The following CCAR2 variants were observed in gnomAD, a reference collection of about 807,000 sequenced individuals.
CCAR2 encodes cell cycle and apoptosis regulator protein 2.
Under a neutral mutation model 108.1 loss-of-function variants are expected in CCAR2, and 21 were observed. The ratio of observed to expected loss-of-function variants is 0.19; its 90% CI spans 0.14 to 0.28. The LOEUF (loss-of-function observed/expected upper bound fraction) is 0.28, where lower values mean the gene tolerates loss of function less well. Among genes scored for constraint, CCAR2 ranks in the 10% least tolerant of loss-of-function variants. The pLI is 1.00. For missense variants in CCAR2, 1,126 were observed against 1,177.0 expected, an observed-to-expected ratio of 0.96 and a Z score of 0.63; for synonymous variants, 577 against 472.8, an observed-to-expected ratio of 1.22 and a Z score of -2.86.
Position 22,615,519 on chromosome 8 carries a change from C to A in CCAR2, c.1300C>A (p.Pro434Thr). ...CCTGCCGGATGTCTGGACCATCATG[C>A]CTACTTTGGAGGAGTGGGAGGCCCT... The part of the protein sequence containing the change: ...VYLPDVWTIM[P>T]TLEEWEALCQ... The change falls in exon 12 of 21, where the codon CCT becomes ACT. Residue 434 changes from proline to threonine, a missense_variant. Physicochemically the swap from Pro to Thr is conservative, Grantham distance 38 (BLOSUM62 -1). Around this residue, in one of 4 missense-constraint regions of CCAR2, gnomAD observed 1,013 missense variants for 993.9 expected, o/e 1.02. Transcript: ENST00000308511. 2 of 1,613,994 alleles carry A rather than the reference C, an allele frequency of 1.2e-6. No homozygotes were observed. Among genetic ancestry groups the A allele is most frequent in the Non-Finnish European group, 1.7e-6 (2 of 1,180,026 alleles).
At position 22,613,052 on chromosome 8, in the gene CCAR2, C is replaced by A; in HGVS notation, c.620C>A (p.Ala207Asp). Residue 207 changes from alanine (A) to aspartate (D), a missense_variant, in exon 8 of 21, where the codon GCT (alanine) becomes GAT (aspartate). This residue lies in a region of CCAR2 where 1,013 missense variants were observed against 993.9 expected (regional missense o/e 1.02). Transcript: ENST00000308511. ...DYDSKKRKQR[A>D]GGEPWGAKKP... ...GACTCCAAGAAACGCAAACAGCGGG[C>A]TGGTGGAGAGCCCTGGGGTGCTAAG... The A allele has an allele frequency of 6.2e-7, 1 of 1,613,174 alleles. No individual in the cohort carries two copies.
Position 22,619,512 on chromosome 8 carries a change from G to T in CCAR2, c.2728-126G>T. 4 of 1,412,338 alleles carry T rather than the reference G, an allele frequency of 2.8e-6. 1 individual carries two copies. The highest frequency in any genetic ancestry group is 2.5e-5 in the South Asian group (2 of 79,026). The allele number at this position is 1,412,338 out of a possible 1,614,324, so 87.5% of individuals were successfully genotyped here. On this transcript the variant is annotated intron_variant, in intron 20 of 20. Coordinates refer to ENST00000308511, the MANE Select transcript of CCAR2 (RefSeq NM_001393997.1). ...CCAGGCAGTGTGCCCCTGGTTGCAG[G>T]TTCTCTGGGAATTGAGCAGTCAGCA... is the stretch of plus-strand genomic sequence containing the variant.
intron 10 of CCAR2, 65 bp downstream of exon 10, chr8:22,614,568 G>A (rs1801421868): frequency 2.1e-6 from 3 of 1,431,528 alleles, no homozygotes; most frequent in East Asian, 4.5e-5. Flanking sequence ...CATGTTTTGA[G>A]TGTTCGGCTC....
Position 22,618,823 on chromosome 8 carries a change from C to G in CCAR2, c.2333-4C>G, listed in dbSNP as rs200695963. 1 of 1,613,412 alleles carries G rather than the reference C, an allele frequency of 6.2e-7. No individual in the cohort carries two copies. Among genetic ancestry groups the G allele is most frequent in the Non-Finnish European group, 8.5e-7 (1 of 1,179,792 alleles). On this transcript the variant is annotated splice_polypyrimidine_tract_variant and splice_region_variant and intron_variant, in intron 18 of 20. Transcript: ENST00000308511. ...CCTGAATTCTTTTTCACGGTTCTCTCTAGGAAACCTGGACCTGCTGCCCCC... is the reference window on the plus strand; with the variant it reads ...CCTGAATTCTTTTTCACGGTTCTCTGTAGGAAACCTGGACCTGCTGCCCCC...
At position 22,615,409 on chromosome 8, in the gene CCAR2, C is replaced by G; in HGVS notation, c.1206-16C>G. The stretch of plus-strand genomic sequence containing the variant: ...TTGTCACTAAAGAAGTTAGTACCTC[C>G]TTTTGCCATGTGCAGGTGGCGCTTT... On this transcript the variant is annotated splice_polypyrimidine_tract_variant and intron_variant, in intron 11 of 20. Transcript: ENST00000308511. The G allele has an allele frequency of 6.2e-7, 1 of 1,610,652 alleles. No individual in the cohort carries two copies. Among genetic ancestry groups the G allele is most frequent in the African/African-American group, 1.3e-5 (1 of 74,976 alleles).
intron 2 of CCAR2, 41 bp downstream of exon 2, chr8:22,605,872 A>G (rs200104791): frequency 1.3e-6 from 2 of 1,594,110 alleles, no homozygotes; most frequent in South Asian, 2.2e-5. Flanking sequence ...CCTGGGAAGT[A>G]TGTGCTCTGG....
chr8:22,607,536 C>T (rs1390031970), intron 6 of CCAR2, among the ~76,000 whole-genome samples: 5 of 146,152 alleles, frequency 3.4e-5, no homozygotes, highest in East Asian at 2.0e-4. Flanking sequence ...GACACGATCT[C>T]GGCTCATTGC....
chr8:22,615,651 C>A (rs201838820), intron 12 of CCAR2, 31 bp from the exon 13 acceptor site: 2 of 1,613,682 alleles, frequency 1.2e-6, no homozygotes, highest in South Asian at 2.2e-5. Context: ...ATCCCGGGAC[C>A]CAGAGGGTCT....
Position 22,618,912 on chromosome 8 carries a change from T to C in CCAR2, c.2418T>C (p.Asn806=), listed in dbSNP as rs754153141. The change falls in exon 19 of 21, where the codon AAT becomes AAC. Residue 806 remains asparagine (N), a synonymous_variant. Transcript: ENST00000308511. The stretch of plus-strand genomic sequence containing the variant: ...AACACAAAGCCTTGGTGTCCCACAA[T>C]GGCAGCCTGATTAACGTGGGGAGCC... ...PTEHKALVSH[N]GSLINVGSLL... 20 of 1,613,706 alleles carry C rather than the reference T, an allele frequency of 1.2e-5. No individual in the cohort carries two copies. The African/African-American group carries it at 2.4e-4, about 19-fold the overall frequency.
intron 1 of CCAR2, 56 bp downstream of exon 1, chr8:22,604,898 C>T (rs1308584019): frequency 2.4e-6 from 1 of 419,514 alleles, no homozygotes; most frequent in African/African-American, 2.1e-5. Flanking sequence ...CGCCCCTCCG[C>T]TGGCCGAGGG....
rs746694966 is a variant in CCAR2, at chr8:22,606,592, C to T, written c.151-15C>T. 4 of 1,606,006 alleles carry T rather than the reference C, an allele frequency of 2.5e-6. No individual in the cohort carries two copies. Among genetic ancestry groups the T allele is most frequent in the African/African-American group, 1.3e-5 (1 of 74,748 alleles). ...TTCCTCCCTTTTACTTTTCAGCTGTCTCCTTCTCTTACAGGGTGGGGAGAA... is the reference window on the plus strand; with the variant it reads ...TTCCTCCCTTTTACTTTTCAGCTGTTTCCTTCTCTTACAGGGTGGGGAGAA... On this transcript the variant is annotated splice_polypyrimidine_tract_variant and intron_variant, in intron 3 of 20. Transcript: ENST00000308511.
chr8:22,617,672 C>T (rs1324623553), intron 15 of CCAR2, 24 bp from the exon 16 acceptor site: 2 of 1,614,156 alleles, frequency 1.2e-6, no homozygotes, highest in Non-Finnish European at 1.7e-6. Flanking sequence ...GCCCTGCTCT[C>T]CATTTATCTT....
intron 20 of CCAR2, 110 bp from the exon 21 acceptor site, chr8:22,619,528 G>T: frequency 7.0e-7 from 1 of 1,419,740 alleles, no homozygotes; most frequent in Non-Finnish European, 9.7e-7. Context: ...TGGGAATTGA[G>T]CAGTCAGCAG....
chr8:22,613,424 C>G (rs1027575099), intron 8 of CCAR2, among the ~76,000 whole-genome samples: 1 of 150,476 alleles, frequency 6.6e-6, no homozygotes, highest in African/African-American at 2.5e-5. Context: ...TTTATTTACC[C>G]AGTTCTCCAT....
In CCAR2 at chr8:22,618,600, A is replaced by C; in HGVS notation, c.2221-17A>C. On this transcript the variant is annotated splice_polypyrimidine_tract_variant and intron_variant, in intron 17 of 20. Transcript: ENST00000308511. ...TCGGGGACGGGGCCTTCTGATCAGC[A>C]GATGTGTTTTCTGCAGGCCAAGCAG... 1.2e-6 allele frequency: 2 copies of C among 1,614,036 alleles called. No individual in the cohort carries two copies. The highest frequency in any genetic ancestry group is 4.5e-5 in the East Asian group (2 of 44,874).
rs754471136 is a variant in CCAR2, at chr8:22,616,089, C to T, written c.1686C>T (p.Ser562=). 2 of 1,613,988 alleles carry T rather than the reference C, an allele frequency of 1.2e-6. No individual in the cohort carries two copies. The highest frequency in any genetic ancestry group is 1.3e-5 in the African/African-American group (1 of 75,016). Residue 562 remains serine (S), a synonymous_variant, in exon 14 of 21, where the codon AGC becomes AGT. Transcript: ENST00000308511. The part of the protein sequence containing the change: ...FGYRVYKMLL[S]LPEKVVSPPE... ...ATAGAGTTTATAAGATGCTACTGAG[C>T]CTTCCTGAAAAGGTCGTGTCCCCAC...
At chr8:22,617,272 A>AAATT (rs1323134181) in intron 14 of CCAR2, 148 bp from the exon 15 acceptor site, 1 of 928,526 alleles carries the variant, frequency 1.1e-6, no homozygotes, top group African/African-American at 1.7e-5. Context: ...CCACTTAATG[A>AAATT]AATTAAATAC....
At chr8:22,612,890 A>T in intron 7 of CCAR2, 127 bp from the exon 8 acceptor site, 1 of 1,006,318 alleles carries the variant, frequency 9.9e-7, no homozygotes, top group East Asian at 2.5e-5. Flanking sequence ...TATGGCTGTT[A>T]GCATGGATTC....
chr8:22,605,050 C>G (rs1801012760), intron 1 of CCAR2: 1 of 277,300 alleles, frequency 3.6e-6, no homozygotes, highest in African/African-American at 2.4e-5. Context: ...TCAGTCCTCC[C>G]TTGGTGGCCT....
Sources: allele counts gnomAD v4.1 joint callset (sites outside exome capture counted in the v4.1 genomes callset), GRCh38; gene constraint gnomAD v4.1.1; regional missense constraint gnomAD v4.1.1; transcripts MANE v1.5; gene names NCBI Gene and HGNC (gene_info 2026-07-23, HGNC 2026-07-21).